The following ANO3 variants were observed in gnomAD, a reference collection of about 807,000 sequenced individuals.
ANO3 encodes the protein anoctamin-3.
In ANO3, 99 loss-of-function variants were observed where a neutral mutation model predicts 144.8. The ratio of observed to expected loss-of-function variants is 0.68; its 90% CI spans 0.58 to 0.81. The LOEUF is 0.81. Ranked by LOEUF, ANO3 falls within the 30% of genes least tolerant of loss-of-function variation. The pLI is 0.00. For missense variants in ANO3, 905 were observed against 1,202.2 expected (o/e 0.75, Z 3.66); for synonymous variants, 414 against 392.6 (o/e 1.05, Z -0.64).
At chr11:26,652,990 A>C (rs907899428) in intron 24 of ANO3, among the ~76,000 whole-genome samples, 3 of 152,206 alleles carry the variant, frequency 2.0e-5, no homozygotes, top group Admixed American at 2.0e-4. Context: ...CCCACCAGCC[A>C]CACCTGCCAA....
chr11:26,227,252 A>G (rs1010163465), intron 1 of ANO3, among the ~76,000 whole-genome samples: 3 of 152,152 alleles, frequency 2.0e-5, no homozygotes, highest in African/African-American at 7.2e-5. Context: ...GTTGTTAAAA[A>G]CATGAATAAT....
intron 1 of ANO3, among the ~76,000 whole-genome samples, chr11:26,349,072 TG>T (rs1190054963): frequency 1.3e-5 from 2 of 152,216 alleles, no homozygotes; most frequent in African/African-American, 4.8e-5. Flanking sequence ...GAAAATGTCA[TG>T]GGCTTCTTAT....
At chr11:26,264,804 AT>A (rs1021449028) in intron 1 of ANO3, among the ~76,000 whole-genome samples, 23 of 152,020 alleles carry the variant, frequency 1.5e-4, no homozygotes, top group African/African-American at 4.8e-4. Context: ...ATATAAGACA[AT>A]AGTCATATTG....
intron 1 of ANO3, among the ~76,000 whole-genome samples, chr11:26,204,533 A>T (rs1404921552): frequency 1.3e-5 from 2 of 151,790 alleles, no homozygotes; most frequent in African/African-American, 4.8e-5. Context: ...TTCACTTATC[A>T]CTCTGGTTCT....
At chr11:26,454,929 C>A (rs1207702092) in intron 3 of ANO3, among the ~76,000 whole-genome samples, 3 of 142,706 alleles carry the variant, frequency 2.1e-5, no homozygotes, top group African/African-American at 7.5e-5. Context: ...ATACGTAAAT[C>A]AATAAATGTA....
At chr11:26,271,637 TATA>T (rs1448170788) in intron 1 of ANO3, among the ~76,000 whole-genome samples, 1 of 152,070 alleles carries the variant, frequency 6.6e-6, no homozygotes, top group African/African-American at 2.4e-5. Flanking sequence ...AATTTAGAGG[TATA>T]ATGTCACTAC....
chr11:26,294,065 G>T (rs1854030130), intron 1 of ANO3, among the ~76,000 whole-genome samples: 1 of 152,180 alleles, frequency 6.6e-6, no homozygotes. Context: ...GCTGCAGGGA[G>T]ATGTGCAGTG....
intron 1 of ANO3, among the ~76,000 whole-genome samples, chr11:26,426,633 G>C (rs1171509817): frequency 6.6e-6 from 1 of 152,164 alleles, no homozygotes; most frequent in South Asian, 2.1e-4. Flanking sequence ...GAAAAGTCTA[G>C]AATAGCTGTC....
At chr11:26,318,945 C>A (rs905028754) in intron 1 of ANO3, among the ~76,000 whole-genome samples, 1 of 152,006 alleles carries the variant, frequency 6.6e-6, no homozygotes, top group Non-Finnish European at 1.5e-5. Context: ...AATACATCTT[C>A]TTTTGAATAT....
intron 1 of ANO3, among the ~76,000 whole-genome samples, chr11:26,410,930 AGCC>A (rs1318216887): frequency 6.6e-6 from 1 of 151,984 alleles, no homozygotes; most frequent in Non-Finnish European, 1.5e-5. Context: ...AGCTGTCAGA[AGCC>A]GCTTTGTCTT....
intron 1 of ANO3, among the ~76,000 whole-genome samples, chr11:26,304,421 C>T (rs1481388951): frequency 1.3e-5 from 2 of 152,032 alleles, no homozygotes; most frequent in Admixed American, 1.3e-4. Flanking sequence ...ATTTAAAGGC[C>T]ATTTTCTCAA....
chr11:26,343,455 G>A (rs1855415961), intron 1 of ANO3, among the ~76,000 whole-genome samples: 1 of 151,956 alleles, frequency 6.6e-6, no homozygotes, highest in Admixed American at 6.6e-5. Context: ...TTTTATTTTG[G>A]GGGGTCCTCC....
At chr11:26,295,977 C>A (rs989512898) in intron 1 of ANO3, among the ~76,000 whole-genome samples, 1 of 152,166 alleles carries the variant, frequency 6.6e-6, no homozygotes, top group African/African-American at 2.4e-5. Context: ...TATGAACACC[C>A]CAATGCTAAC....
intron 1 of ANO3, among the ~76,000 whole-genome samples, chr11:26,430,012 G>A (rs986646742): frequency 6.6e-5 from 10 of 152,054 alleles, no homozygotes; most frequent in Admixed American, 5.9e-4. Flanking sequence ...CCAAAGCGGG[G>A]AGATCTCCTG....
In ANO3 at chr11:26,641,757, A is replaced by T. The variant is rs57264690; in HGVS notation, c.2142-139A>T. ...AATGTTTTTTTAACTTTTTTAAAAA[A>T]CTTTTATAAAAGGTAAAACCAAATA... On this transcript the variant is annotated intron_variant, in intron 21 of 26. Coordinates refer to ENST00000256737, the MANE Select transcript of ANO3 (RefSeq NM_031418.4). The T allele has an allele frequency of 0.43, 375,757 of 877,376 alleles. 83,870 individuals are homozygous for T. Among genetic ancestry groups the T allele is most frequent in the South Asian group, 0.49 (12,485 of 25,700 alleles). 54.3% of individuals were successfully genotyped at this position (877,376 alleles called of 1,614,324 possible).
At chr11:26,453,147 G>A (rs1443911917) in intron 3 of ANO3, among the ~76,000 whole-genome samples, 1 of 152,196 alleles carries the variant, frequency 6.6e-6, no homozygotes, top group Admixed American at 6.6e-5. Flanking sequence ...AAAGACCATT[G>A]AGACTAGGAA....
intron 1 of ANO3, among the ~76,000 whole-genome samples, chr11:26,372,212 T>C (rs981418070): frequency 6.6e-6 from 1 of 152,162 alleles, no homozygotes; most frequent in African/African-American, 2.4e-5. Context: ...TATAAGGAGC[T>C]TCCCCCTTTG....
At chr11:26,365,982 A>T (rs1337947189) in intron 1 of ANO3, among the ~76,000 whole-genome samples, 187 of 1,528 alleles carry the variant, frequency 0.12, 9 homozygotes, top group Middle Eastern at 0.5. Context: ...ATATATATAT[A>T]TATATATATA....
At chr11:26,362,072 A>G (rs556845539) in intron 1 of ANO3, among the ~76,000 whole-genome samples, 1 of 152,274 alleles carries the variant, frequency 6.6e-6, no homozygotes, top group East Asian at 1.9e-4. Flanking sequence ...AATAGGACTC[A>G]GGTTGCAGCT....
Sources: allele counts gnomAD v4.1 joint callset (sites outside exome capture counted in the v4.1 genomes callset), GRCh38; gene constraint gnomAD v4.1.1; transcripts MANE v1.5; gene names NCBI Gene and HGNC (gene_info 2026-07-23, HGNC 2026-07-21).